The following HIP1 variants were observed in gnomAD, a reference collection of about 807,000 sequenced individuals.
The protein encoded by HIP1 is huntingtin interacting protein 1.
Under a neutral mutation model 147.6 loss-of-function variants are expected in HIP1, and 65 were observed. The ratio of observed to expected loss-of-function variants is 0.44; its 90% confidence interval spans 0.36 to 0.54. The LOEUF is 0.54. Among genes scored for constraint, HIP1 ranks in the 20% least tolerant of loss-of-function variants. HIP1 has a pLI of 0.00. For missense variants in HIP1, 1,061 were observed against 1,299.6 expected, an observed-to-expected ratio of 0.82 and a Z score of 2.82; for synonymous variants, 479 against 504.0, an observed-to-expected ratio of 0.95 and a Z score of 0.67.
intron 1 of HIP1, among the ~76,000 whole-genome samples, chr7:75,729,424 C>T (rs1801761418): frequency 6.6e-6 from 1 of 150,386 alleles, no homozygotes. Flanking sequence ...GAATTCGAGG[C>T]TGCAGTGAGC....
At chr7:75,647,295 G>A (rs1554511259) in intron 1 of HIP1, among the ~76,000 whole-genome samples, 23 of 148,220 alleles carry the variant, frequency 1.6e-4, no homozygotes. Flanking sequence ...CTACACGGGA[G>A]ACTGAGGCAG....
chr7:75,569,076 G>T (rs1298036118), intron 8 of HIP1, among the ~76,000 whole-genome samples: 1 of 152,130 alleles, frequency 6.6e-6, no homozygotes, highest in Non-Finnish European at 1.5e-5. Context: ...CTAACTCTAT[G>T]ACACTGCACA....
chr7:75,727,908 C>T (rs1322778425), intron 1 of HIP1, among the ~76,000 whole-genome samples: 12 of 151,292 alleles, frequency 7.9e-5, no homozygotes, highest in Non-Finnish European at 1.6e-4. Context: ...TCACACATAT[C>T]TAAGCCACTG....
In HIP1 at chr7:75,544,729, G is replaced by A. The variant is rs1426243102; in HGVS notation, c.2732C>T (p.Ala911Val). The A allele has an allele frequency of 1.9e-6, 3 of 1,613,440 alleles. No homozygotes were observed. The highest frequency in any genetic ancestry group is 2.5e-6 in the Non-Finnish European group (3 of 1,179,334). The part of the protein sequence containing the change: ...EELMVCSHEI[A>V]ASTAQLVAAS... ...AGCCACAAGCTGGGCTGTGCTAGCA[G>A]CAATTTCATGAGAACACACCATTAG... Residue 911 changes from alanine to valine, a missense_variant, in exon 27 of 31, where the codon GCT (alanine) becomes GTT (valine). This residue lies in a region of HIP1 where 810 missense variants were observed against 946.8 expected (regional missense o/e 0.86). Transcript: ENST00000336926.
chr7:75,637,536 ATTTTT>A (rs869251770), intron 1 of HIP1, among the ~76,000 whole-genome samples: 56 of 70,888 alleles, frequency 7.9e-4, no homozygotes, highest in African/African-American at 1.8e-3. Context: ...TGCAGAGAGG[ATTTTT>A]TTTTTTTTTT....
At chr7:75,638,638 G>C (rs1798525193) in intron 1 of HIP1, among the ~76,000 whole-genome samples, 1 of 143,380 alleles carries the variant, frequency 7.0e-6, no homozygotes, top group African/African-American at 2.7e-5. Context: ...GTGCCTCCCT[G>C]CCCACGGGCT....
At chr7:75,675,990 A>G (rs983390521) in intron 1 of HIP1, among the ~76,000 whole-genome samples, 2 of 152,154 alleles carry the variant, frequency 1.3e-5, no homozygotes. Context: ...CCTAAGGATC[A>G]TATTTTTTGC....
At chr7:75,578,757 A>C (rs1259431017) in intron 7 of HIP1, among the ~76,000 whole-genome samples, 1 of 152,212 alleles carries the variant, frequency 6.6e-6, no homozygotes, top group Non-Finnish European at 1.5e-5. Flanking sequence ...ACCAAAATCC[A>C]AATGATGAAA....
At chr7:75,670,297 C>T (rs1207748631) in intron 1 of HIP1, among the ~76,000 whole-genome samples, 1 of 149,382 alleles carries the variant, frequency 6.7e-6, no homozygotes, top group Non-Finnish European at 1.5e-5. Flanking sequence ...ACTACAGGCG[C>T]ACACCACCAT....
intron 30 of HIP1, 135 bp downstream of exon 30, chr7:75,539,188 C>T: frequency 1.5e-6 from 1 of 659,936 alleles, no homozygotes; most frequent in South Asian, 1.9e-5. Flanking sequence ...AAAACAGGTT[C>T]CATGAGGAGA....
chr7:75,544,790 C>G lies in HIP1; in HGVS notation c.2671G>C (p.Asp891His). ...WGATVMVDAA[D>H]LVVQGRGKFE... ...TTCCCTCTGCCTTGTACCACCAGAT[C>G]AGCTGCATCCCTGATGGAAAACGAC... The change falls in exon 27 of 31, where the codon GAT becomes CAT. Residue 891 changes from aspartate to histidine, a missense_variant. Asp to His is a moderately conservative substitution (Grantham distance 81). This residue lies in a region of HIP1 where 810 missense variants were observed against 946.8 expected (regional missense o/e 0.86). Transcript: ENST00000336926. The G allele has an allele frequency of 6.2e-7, 1 of 1,608,262 alleles. No individual in the cohort carries two copies. The highest frequency in any genetic ancestry group is 8.5e-7 in the Non-Finnish European group (1 of 1,174,682).
intron 1 of HIP1, among the ~76,000 whole-genome samples, chr7:75,673,321 C>A (rs1302813108): frequency 3.3e-5 from 5 of 152,242 alleles, no homozygotes; most frequent in East Asian, 1.9e-4. Context: ...CTGAGCCCGG[C>A]CTTGTTCTTC....
rs56744076 is a variant in HIP1 at position 75,733,430 on chromosome 7, CTT to C, written c.120+5369_120+5370del. 6.7e-3 allele frequency: 887 copies of C among 132,488 alleles called. 6 individuals are homozygous for C. Among genetic ancestry groups the C allele is most frequent in the African/African-American group, 0.017 (588 of 34,472 alleles). 8.2% of individuals were successfully genotyped at this position (132,488 alleles called of 1,614,324 possible). On this transcript the variant is annotated intron_variant, in intron 1 of 30. Transcript: ENST00000336926. ...TTTTCTTTTCCTTTCTTTTCTTTTT[CTT>C]TTTTTTTTTTTTTTGAGGGCAGGCA...
intron 1 of HIP1, among the ~76,000 whole-genome samples, chr7:75,682,244 C>T (rs942866863): frequency 2.0e-5 from 3 of 151,372 alleles, no homozygotes; most frequent in South Asian, 2.1e-4. Flanking sequence ...GCATGAGTCA[C>T]CCCCACCAGC....
intron 1 of HIP1, among the ~76,000 whole-genome samples, chr7:75,690,494 C>T (rs1247116850): frequency 2.6e-5 from 4 of 152,080 alleles, no homozygotes; most frequent in African/African-American, 9.7e-5. Context: ...GTAAAGAAAC[C>T]GGAACCCTTG....
At chr7:75,543,066 T>G in intron 27 of HIP1, 92 bp from the exon 28 acceptor site, 1 of 1,386,056 alleles carries the variant, frequency 7.2e-7, no homozygotes, top group Non-Finnish European at 9.8e-7. Flanking sequence ...AGCAAACATA[T>G]GTGGGCCAAA....
At chr7:75,622,098 T>G (rs1453128748) in intron 1 of HIP1, among the ~76,000 whole-genome samples, 15 of 150,114 alleles carry the variant, frequency 1.0e-4, no homozygotes, top group Non-Finnish European at 5.9e-5. Context: ...CTGGCCAACA[T>G]GATGAAACCC....
At chr7:75,616,671 A>G (rs945327434) in intron 1 of HIP1, among the ~76,000 whole-genome samples, 2 of 152,110 alleles carry the variant, frequency 1.3e-5, no homozygotes, top group African/African-American at 4.8e-5. Flanking sequence ...CACAAAGCCA[A>G]AAACATTTAC....
intron 1 of HIP1, among the ~76,000 whole-genome samples, chr7:75,671,333 A>G (rs1799726181): frequency 6.6e-6 from 1 of 152,124 alleles, no homozygotes; most frequent in Non-Finnish European, 1.5e-5. Context: ...ACCTCAAGTG[A>G]TCTGCCTGCC....
Sources: allele counts gnomAD v4.1 joint callset (sites outside exome capture counted in the v4.1 genomes callset), GRCh38; gene constraint gnomAD v4.1.1; regional missense constraint gnomAD v4.1.1; transcripts MANE v1.5; gene names NCBI Gene and HGNC (gene_info 2026-07-23, HGNC 2026-07-21).